Variants in STON2 observed in about 807,000 individuals in gnomAD.
STON2 encodes the protein stonin-2.
A neutral mutation model predicts 65.7 loss-of-function variants in STON2; 29 were observed. That is an observed-to-expected ratio of 0.44 (90% CI 0.33 to 0.60). The LOEUF (loss-of-function observed/expected upper bound fraction) is 0.60. STON2 is among the 20% of genes least tolerant of loss of function. The pLI, the probability that STON2 is intolerant of heterozygous loss-of-function variation, is 0.03. For missense variants in STON2, 1,054 were observed against 1,118.1 expected (o/e 0.94, Z 0.82); for synonymous variants, 404 against 414.2 (o/e 0.98, Z 0.30).
In STON2 at chr14:81,277,327, T is replaced by A. The variant is rs945283945; in HGVS notation, c.2155A>T (p.Ile719Phe). Residue 719 changes from isoleucine to phenylalanine, a missense_variant, in exon 6 of 8, where the codon ATT (isoleucine) becomes TTT (phenylalanine). Transcript: ENST00000614646. Reference sequence around the variant, plus strand: ...CACGCATCCAAAGGGTTGAACAGAATGACCCGTGAGTTGTGGAAAACATCC... The same window carrying A: ...CACGCATCCAAAGGGTTGAACAGAAAGACCCGTGAGTTGTGGAAAACATCC... Reference protein sequence around the residue: ...DEDVFHNSRVILFNPLDACRF... With the variant: ...DEDVFHNSRVFLFNPLDACRF... 6.2e-7 allele frequency: 1 copy of A among 1,614,184 alleles called. No individual in the cohort carries two copies. Among genetic ancestry groups the A allele is most frequent in the Non-Finnish European group, 8.5e-7 (1 of 1,180,022 alleles).
At chr14:81,389,548 A>G (rs1325059073) in intron 3 of STON2, among the ~76,000 whole-genome samples, 1 of 152,236 alleles carries the variant, frequency 6.6e-6, no homozygotes, top group East Asian at 1.9e-4. Context: ...AATCATTTCT[A>G]TGTGGTCAGT....
chr14:81,372,623 G>A (rs1370671729), intron 3 of STON2, among the ~76,000 whole-genome samples: 1 of 150,994 alleles, frequency 6.6e-6, no homozygotes, highest in Non-Finnish European at 1.5e-5. Context: ...AACAAGTGCT[G>A]AAAATAACCT....
rs1237797823 is a variant in STON2, at chr14:81,298,678, G to A, written c.743-19939C>T. The stretch of plus-strand genomic sequence containing the variant: ...GAGTTTCATCCAGGAAACTGAAGTT[G>A]GGACAGATGAAAAAATGAGCACCTT... On this transcript the variant is annotated intron_variant, in intron 5 of 7. Coordinates refer to ENST00000614646, the MANE Select transcript of STON2 (RefSeq NM_001394390.1). 5.3e-5 allele frequency among the ~76,000 whole-genome samples: 8 copies of A among 152,208 alleles called. No homozygotes were observed. In the East Asian group the frequency reaches 1.5e-3, roughly 29 times the overall value.
chr14:81,352,949 A>G (rs1898080865), intron 4 of STON2, among the ~76,000 whole-genome samples: 1 of 152,220 alleles, frequency 6.6e-6, no homozygotes, highest in African/African-American at 2.4e-5. Context: ...TTTCAATATC[A>G]TGGAAAAGCT....
At chr14:81,381,854 C>A (rs1213318130) in intron 3 of STON2, among the ~76,000 whole-genome samples, 1 of 152,070 alleles carries the variant, frequency 6.6e-6, no homozygotes, top group Non-Finnish European at 1.5e-5. Context: ...CACATGTTCA[C>A]CAGGATACAC....
chr14:81,367,662 G>A (rs1051998696), intron 4 of STON2, among the ~76,000 whole-genome samples: 1 of 152,126 alleles, frequency 6.6e-6, no homozygotes, highest in Non-Finnish European at 1.5e-5. Context: ...GGATGTTCAG[G>A]AAGAGCCTCA....
At chr14:81,422,704 G>A (rs1901764207) in intron 2 of STON2, among the ~76,000 whole-genome samples, 1 of 152,178 alleles carries the variant, frequency 6.6e-6, no homozygotes, top group African/African-American at 2.4e-5. Flanking sequence ...ATGGGCTTCA[G>A]TAAGTGCACG....
intron 4 of STON2, among the ~76,000 whole-genome samples, chr14:81,324,966 T>C (rs1044208996): frequency 6.6e-6 from 1 of 152,124 alleles, no homozygotes; most frequent in Non-Finnish European, 1.5e-5. Flanking sequence ...TGAGGGAGGA[T>C]AACTGTTCCT....
chr14:81,376,221 T>C (rs1182010264), intron 3 of STON2, among the ~76,000 whole-genome samples: 1 of 151,640 alleles, frequency 6.6e-6, no homozygotes, highest in Non-Finnish European at 1.5e-5. Flanking sequence ...AATTTTAAAA[T>C]ACACAGATAA....
At chr14:81,373,819 T>A (rs1453165237) in intron 3 of STON2, among the ~76,000 whole-genome samples, 2 of 151,938 alleles carry the variant, frequency 1.3e-5, no homozygotes, top group Non-Finnish European at 2.9e-5. Context: ...TGCCTTAGGA[T>A]TGCATGAAGA....
intron 2 of STON2, among the ~76,000 whole-genome samples, chr14:81,420,127 A>G (rs904290084): frequency 6.6e-6 from 1 of 152,112 alleles, no homozygotes; most frequent in Non-Finnish European, 1.5e-5. Context: ...ACACCCTTCA[A>G]CGTGGTACTT....
In STON2 at chr14:81,265,990, A is replaced by G. The variant is rs191937852; in HGVS notation, c.*2424T>C. 2.4e-5 allele frequency: 24 copies of G among 985,462 alleles called. No homozygotes were observed. The African/African-American group carries it at 4.2e-4, about 17-fold the overall frequency. 61.0% of individuals were successfully genotyped at this position (985,462 alleles called of 1,614,324 possible). On this transcript the variant is annotated 3_prime_UTR_variant, in exon 8 of 8. Transcript: ENST00000614646. ...TGAGGAATTAATCTCAAAAGCCTTC[A>G]GTACAACAGGGGAAGAGATATGCGT...
At chr14:81,269,857 TC>T (rs1351237451) in intron 7 of STON2, 1 of 985,286 alleles carries the variant, frequency 1.0e-6, no homozygotes, top group Non-Finnish European at 1.2e-6. Flanking sequence ...TATGATTCCT[TC>T]CACAGCCCTG....
intron 3 of STON2, among the ~76,000 whole-genome samples, chr14:81,390,268 T>C (rs1900018455): frequency 6.6e-6 from 1 of 151,624 alleles, no homozygotes; most frequent in African/African-American, 2.4e-5. Context: ...GAGATGGTAA[T>C]CACAGCAGCA....
chr14:81,367,428 C>T (rs1393070404), intron 4 of STON2, among the ~76,000 whole-genome samples: 1 of 152,210 alleles, frequency 6.6e-6, no homozygotes, highest in Admixed American at 6.5e-5. Context: ...CCACCCACCT[C>T]AGCCTCCCAA....
intron 5 of STON2, among the ~76,000 whole-genome samples, chr14:81,303,223 CA>C (rs1896039987): frequency 6.6e-6 from 1 of 152,004 alleles, no homozygotes; most frequent in Non-Finnish European, 1.5e-5. Flanking sequence ...GTTAGTAGAC[CA>C]AAATATTTGA....
intron 5 of STON2, among the ~76,000 whole-genome samples, chr14:81,307,989 A>C (rs1595330966): frequency 6.6e-6 from 1 of 152,238 alleles, no homozygotes; most frequent in African/African-American, 2.4e-5. Context: ...TCAAGGGTCA[A>C]CTGTATCTGA....
At chr14:81,281,738 C>T (rs1183501212) in intron 5 of STON2, among the ~76,000 whole-genome samples, 1 of 152,150 alleles carries the variant, frequency 6.6e-6, no homozygotes, top group Non-Finnish European at 1.5e-5. Flanking sequence ...CCTTTTCAAA[C>T]CAAGTTAGTT....
At chr14:81,416,944 G>A (rs1267029468) in intron 2 of STON2, among the ~76,000 whole-genome samples, 1 of 152,184 alleles carries the variant, frequency 6.6e-6, no homozygotes, top group Non-Finnish European at 1.5e-5. Context: ...CTCAAGCTTG[G>A]TGGGTAGCTC....
Sources: gnomAD v4.1 joint callset for allele counts (sites outside exome capture counted in the v4.1 genomes callset) on GRCh38, gnomAD v4.1.1 for gene constraint, MANE v1.5 for transcripts, NCBI Gene and HGNC (gene_info 2026-07-23, HGNC 2026-07-21) for gene names.